The following PTPRD variants were observed in gnomAD, a reference collection of about 807,000 sequenced individuals.
PTPRD encodes protein tyrosine phosphatase receptor type D.
PTPRD carries 34 observed loss-of-function variants against 214.5 expected under a neutral mutation model. The observed-to-expected ratio is 0.16, with a 90% CI of 0.12 to 0.21. The LOEUF (loss-of-function observed/expected upper bound fraction) is 0.21. Ranked by LOEUF, PTPRD falls within the 10% of genes least tolerant of loss-of-function variation. The pLI, the probability that PTPRD is intolerant of heterozygous loss-of-function variation, is 1.00. For synonymous variants in PTPRD, 1,128 were observed against 845.7 expected (o/e 1.33, Z -5.79); for missense variants, 2,545 against 2,398.7 (o/e 1.06, Z -1.27).
chr9:10,031,038 A>G (rs918721502), intron 4 of PTPRD, among the ~76,000 whole-genome samples: 9 of 152,192 alleles, frequency 5.9e-5, no homozygotes, highest in Non-Finnish European at 1.3e-4. Flanking sequence ...TGATTAATCT[A>G]TCTGTGCTTG....
chr9:10,550,880 T>C (rs2131079009), intron 2 of PTPRD, among the ~76,000 whole-genome samples: 1 of 152,326 alleles, frequency 6.6e-6, no homozygotes. Context: ...CCACACATCA[T>C]TACATATATT....
intron 8 of PTPRD, among the ~76,000 whole-genome samples, chr9:9,511,095 G>A (rs2096695599): frequency 6.6e-6 from 1 of 151,716 alleles, no homozygotes; most frequent in African/African-American, 2.4e-5. Flanking sequence ...CTTTTCAAAA[G>A]AAATGTGTGT....
intron 11 of PTPRD, among the ~76,000 whole-genome samples, chr9:8,816,250 G>C (rs990519638): frequency 6.6e-6 from 1 of 152,156 alleles, no homozygotes; most frequent in African/African-American, 2.4e-5. Flanking sequence ...AACAGAATAT[G>C]ATCATTGGTC....
At chr9:8,958,921 G>A (rs1262545787) in intron 11 of PTPRD, 1 of 151,966 alleles carries the variant, frequency 6.6e-6, no homozygotes, top group Non-Finnish European at 1.5e-5. Flanking sequence ...TTCCTACTAT[G>A]TGAGCCAATG....
chr9:8,952,504 A>C (rs972570239), intron 11 of PTPRD, among the ~76,000 whole-genome samples: 1 of 151,952 alleles, frequency 6.6e-6, no homozygotes, highest in Admixed American at 6.6e-5. Flanking sequence ...GTAGATACAC[A>C]TAGTCACACA....
chr9:10,207,170 T>C (rs1342859243), intron 3 of PTPRD, among the ~76,000 whole-genome samples: 1 of 152,140 alleles, frequency 6.6e-6, no homozygotes, highest in African/African-American at 2.4e-5. Flanking sequence ...AAAGACCACT[T>C]CTTTTCCTCA....
intron 14 of PTPRD, among the ~76,000 whole-genome samples, chr9:8,589,924 TG>T (rs2093968800): frequency 1.3e-5 from 2 of 152,174 alleles, no homozygotes; most frequent in African/African-American, 2.4e-5. Context: ...GGAAATTTTC[TG>T]GAAGAAAATT....
At chr9:9,980,610 AAAAAAAAC>A (rs1447636881) in intron 4 of PTPRD, among the ~76,000 whole-genome samples, 1 of 28,378 alleles carries the variant, frequency 3.5e-5, no homozygotes, top group Non-Finnish European at 9.0e-5. Context: ...CACCTTGTCA[AAAAAAAAC>A]AAAAAAAAAA....
At chr9:9,696,172 G>A (rs149970887) in intron 7 of PTPRD, among the ~76,000 whole-genome samples, 1 of 152,214 alleles carries the variant, frequency 6.6e-6, no homozygotes, top group East Asian at 1.9e-4. Context: ...AAAGGTACTT[G>A]ATCTAATTTT....
At position 8,557,752 on chromosome 9, in the gene PTPRD, A is replaced by C. The variant is rs1487470193; in HGVS notation, c.353-28973T>G. 5.4e-3 allele frequency among the ~76,000 whole-genome samples: 726 copies of C among 133,302 alleles called. 20 individuals carry two copies. Among genetic ancestry groups the C allele is most frequent in the African/African-American group, 0.024 (692 of 28,648 alleles). The allele number at this position is 133,302 out of a possible 152,430, so 87.5% of individuals were successfully genotyped here. A position where few individuals can be genotyped will look rare whatever the true frequency, so the allele number is the denominator to read the frequency against. On this transcript the variant is annotated intron_variant, in intron 14 of 45. Transcript: ENST00000381196. ...AGCGAGACTGTCTCTCAATAAAAAAAAAAAAAAAAAAAAAAGAAAAACAAA... is the reference window on the plus strand; with the variant it reads ...AGCGAGACTGTCTCTCAATAAAAAACAAAAAAAAAAAAAAAGAAAAACAAA...
At chr9:8,338,878 A>C (rs3847286) in intron 43 of PTPRD, 44 bp downstream of exon 43, 165,128 of 1,561,558 alleles carry the variant, frequency 0.11, 12,337 homozygotes, top group African/African-American at 0.39. Context: ...ATCTTAGACT[A>C]CTTTTCAGCT....
intron 7 of PTPRD, among the ~76,000 whole-genome samples, chr9:9,593,425 T>G (rs1036523579): frequency 1.3e-5 from 2 of 151,988 alleles, no homozygotes; most frequent in African/African-American, 4.8e-5. Context: ...ATTTAAATGT[T>G]TTAAAGAAAA....
At chr9:9,094,960 C>T (rs1383938817) in intron 10 of PTPRD, among the ~76,000 whole-genome samples, 1 of 152,016 alleles carries the variant, frequency 6.6e-6, no homozygotes, top group African/African-American at 2.4e-5. Context: ...AGCAAATAGA[C>T]AAAAGTGATA....
At chr9:9,596,489 C>T (rs529537464) in intron 7 of PTPRD, among the ~76,000 whole-genome samples, 8 of 151,946 alleles carry the variant, frequency 5.3e-5, no homozygotes, top group African/African-American at 9.6e-5. Flanking sequence ...GTTGTTATTG[C>T]TAATACACAG....
chr9:9,659,019 T>C lies in PTPRD; in HGVS notation c.-287+75514A>G, dbSNP rs556653851. 2.0e-5 allele frequency among the ~76,000 whole-genome samples: 3 copies of C among 152,232 alleles called. No homozygotes were observed. In the East Asian group the frequency reaches 5.8e-4, roughly 29 times the overall value. On this transcript the variant is annotated intron_variant, in intron 7 of 45. Coordinates refer to ENST00000381196, the MANE Select transcript of PTPRD (RefSeq NM_002839.4). ...TGTGAATGTGATTATAATTATTTTTTATCTAAAAGCCAGGCAGGACTTTGG... is the reference window on the plus strand; with the variant it reads ...TGTGAATGTGATTATAATTATTTTTCATCTAAAAGCCAGGCAGGACTTTGG...
chr9:9,781,450 C>A (rs922188707), intron 5 of PTPRD, among the ~76,000 whole-genome samples: 3 of 152,130 alleles, frequency 2.0e-5, no homozygotes, highest in African/African-American at 4.8e-5. Context: ...ACAACGGTGA[C>A]ATTGGAAGAA....
At chr9:8,402,540 G>A (rs939015822) in intron 36 of PTPRD, among the ~76,000 whole-genome samples, 1 of 152,156 alleles carries the variant, frequency 6.6e-6, no homozygotes, top group Non-Finnish European at 1.5e-5. Context: ...GCGAGACCAT[G>A]CCAAATAGAT....
intron 12 of PTPRD, among the ~76,000 whole-genome samples, chr9:8,691,114 G>C (rs559023678): frequency 6.6e-6 from 1 of 152,120 alleles, no homozygotes; most frequent in Non-Finnish European, 1.5e-5. Context: ...TAATGAAATG[G>C]CTTTTGACAA....
At chr9:9,870,178 T>C (rs555577401) in intron 5 of PTPRD, among the ~76,000 whole-genome samples, 87 of 152,152 alleles carry the variant, frequency 5.7e-4, no homozygotes, top group African/African-American at 2.1e-3. Context: ...GTGGATGGGT[T>C]CATGGAGACT....
Sources: gnomAD v4.1 joint callset for allele counts (sites outside exome capture counted in the v4.1 genomes callset) on GRCh38, gnomAD v4.1.1 for gene constraint, MANE v1.5 for transcripts, NCBI Gene and HGNC (gene_info 2026-07-23, HGNC 2026-07-21) for gene names.